The following DYNC2H1 variants were observed in gnomAD, a reference collection of about 807,000 sequenced individuals.
DYNC2H1 encodes dynein cytoplasmic 2 heavy chain 1, also known as cytoplasmic dynein 2 heavy chain 1.
A neutral mutation model predicts 570.0 loss-of-function variants in DYNC2H1; 410 were observed. The ratio of observed to expected loss-of-function variants is 0.72; its 90% CI spans 0.66 to 0.78. The LOEUF (loss-of-function observed/expected upper bound fraction) is 0.78, where lower values mean the gene tolerates loss of function less well. Ranked by LOEUF, DYNC2H1 falls within the 30% of genes least tolerant of loss-of-function variation. The pLI is 0.00. For missense variants in DYNC2H1, 4,865 were observed against 5,046.4 expected (o/e 0.96, Z 1.09); for synonymous variants, 1,688 against 1,677.6 (o/e 1.01, Z -0.15).
At chr11:103,167,853 C>T (rs1322551898) in intron 31 of DYNC2H1, among the ~76,000 whole-genome samples, 1 of 152,244 alleles carries the variant, frequency 6.6e-6, no homozygotes, top group South Asian at 2.1e-4. Context: ...TGGTGTCAGT[C>T]TGTTTTCAAA....
At chr11:103,272,766 ATT>A (rs1355227991) in intron 70 of DYNC2H1, among the ~76,000 whole-genome samples, 1 of 152,022 alleles carries the variant, frequency 6.6e-6, no homozygotes, top group Non-Finnish European at 1.5e-5. Flanking sequence ...TCTAATTATA[ATT>A]ATTTACTAGA....
At chr11:103,187,626 A>G (rs1862128387) in intron 43 of DYNC2H1, 40 bp downstream of exon 43, 2 of 1,590,768 alleles carry the variant, frequency 1.3e-6, no homozygotes, top group Non-Finnish European at 1.7e-6. Flanking sequence ...CTAATTGGAA[A>G]CAATTTAATT....
chr11:103,312,123 G>A, intron 79 of DYNC2H1, 90 bp downstream of exon 79: 1 of 1,400,138 alleles, frequency 7.1e-7, no homozygotes, highest in Non-Finnish European at 9.7e-7. Context: ...GCTCATGCCT[G>A]TAATCCCAGT....
chr11:103,177,476 A>G lies in DYNC2H1; in HGVS notation c.5875-80A>G, dbSNP rs1036159941. 3.9e-5 allele frequency: 55 copies of G among 1,413,162 alleles called. No homozygotes were observed. The highest frequency in any genetic ancestry group is 4.9e-5 in the Non-Finnish European group (51 of 1,050,154). 87.5% of individuals were successfully genotyped at this position (1,413,162 alleles called of 1,614,324 possible). A position where few individuals can be genotyped will look rare whatever the true frequency, so the allele number is the denominator to read the frequency against. On this transcript the variant is annotated intron_variant, in intron 37 of 88. Transcript: ENST00000375735. The surrounding 1 kb of genome is among the most constrained non-coding windows in gnomAD (Gnocchi z 4.4). The stretch of plus-strand genomic sequence containing the variant: ...TCAAAGGCTTAATTTACACATTAGA[A>G]CAAGTGTTACAGAATAAAAGCAGAA...
intron 70 of DYNC2H1, among the ~76,000 whole-genome samples, chr11:103,266,549 C>T (rs946925144): frequency 1.3e-5 from 2 of 152,058 alleles, no homozygotes; most frequent in East Asian, 1.9e-4. Flanking sequence ...GCTCTTTTTG[C>T]GATGGTGGTG....
chr11:103,252,046 T>A lies in DYNC2H1; in HGVS notation c.10043-1239T>A, dbSNP rs979826065. 1.3e-5 allele frequency among the ~76,000 whole-genome samples: 2 copies of A among 152,118 alleles called. No homozygotes were observed. The highest frequency in any genetic ancestry group is 2.9e-5 in the Non-Finnish European group (2 of 68,026). ...CTCAAATGATCCTCTGGCCTCAGCC[T>A]CCTGAGTATGTTGGACTATAGGCAC... is the stretch of plus-strand genomic sequence containing the variant. On this transcript the variant is annotated intron_variant, in intron 65 of 88. Coordinates refer to ENST00000375735, the MANE Select transcript of DYNC2H1 (RefSeq NM_001377.3). This position sits in a 1 kb window ranked among gnomAD's most constrained non-coding sequence, Gnocchi z 4.6.
chr11:103,426,778 T>C (rs1175055262), intron 84 of DYNC2H1, among the ~76,000 whole-genome samples: 2 of 150,958 alleles, frequency 1.3e-5, no homozygotes, highest in Non-Finnish European at 2.9e-5. Flanking sequence ...AAGCATTTGA[T>C]TGATTGGTCG....
In DYNC2H1 at chr11:103,170,530, G is replaced by A. The variant is rs1173200528; in HGVS notation, c.5151+240G>A. On this transcript the variant is annotated intron_variant, in intron 33 of 88. Coordinates refer to ENST00000375735, the MANE Select transcript of DYNC2H1 (RefSeq NM_001377.3). The surrounding 1 kb of genome is among the most constrained non-coding windows in gnomAD (Gnocchi z 4.8). ...GAATGAAGATTTATATTACATTGAA[G>A]AAAAATGTTTTTAGTAAAGAGAATA... is the stretch of plus-strand genomic sequence containing the variant. Among the ~76,000 whole-genome samples the A allele has an allele frequency of 3.3e-5, 5 of 152,118 alleles. No individual in the cohort carries two copies. Among genetic ancestry groups the A allele is most frequent in the African/African-American group, 4.8e-5 (2 of 41,436 alleles).
At chr11:103,290,943 C>T (rs183000488) in intron 75 of DYNC2H1, among the ~76,000 whole-genome samples, 1 of 152,266 alleles carries the variant, frequency 6.6e-6, no homozygotes, top group East Asian at 1.9e-4. Flanking sequence ...ATTTAGGTTA[C>T]ATATCCACCT....
At chr11:103,274,538 T>C (rs910668128) in intron 70 of DYNC2H1, among the ~76,000 whole-genome samples, 1 of 152,180 alleles carries the variant, frequency 6.6e-6, no homozygotes, top group Non-Finnish European at 1.5e-5. Context: ...ATTTTAAAGA[T>C]TCATTAATTT....
intron 79 of DYNC2H1, among the ~76,000 whole-genome samples, chr11:103,315,814 T>C (rs1409710572): frequency 6.6e-6 from 1 of 152,064 alleles, no homozygotes; most frequent in Non-Finnish European, 1.5e-5. Context: ...GCAGGGATAA[T>C]TTTTTTGTTC....
rs1465203779 is a variant in DYNC2H1, at chr11:103,199,349, C to G, written c.7961C>G (p.Ala2654Gly). The part of the protein sequence containing the change: ...LSFPGGSLLL[A>G]GRSGVGRRTI... The stretch of plus-strand genomic sequence containing the variant: ...TTCCCTGGAGGTTCACTTCTATTAG[C>G]AGGACGCAGTGGTGTAGGTCGTCGG... The change falls in exon 49 of 89, where the codon GCA (alanine) becomes GGA (glycine). Residue 2654 changes from alanine (A) to glycine (G), a missense_variant. Transcript: ENST00000375735. The surrounding 1 kb of genome is among the most constrained non-coding windows in gnomAD (Gnocchi z 4.6). 6.2e-7 allele frequency: 1 copy of G among 1,612,266 alleles called. No individual in the cohort carries two copies. The highest frequency in any genetic ancestry group is 8.5e-7 in the Non-Finnish European group (1 of 1,179,686).
At chr11:103,164,966 T>A (rs911762547) in intron 30 of DYNC2H1, among the ~76,000 whole-genome samples, 1 of 152,176 alleles carries the variant, frequency 6.6e-6, no homozygotes, top group Non-Finnish European at 1.5e-5. Flanking sequence ...AAAGTATTTT[T>A]CTCAAAAGCA....
chr11:103,134,166 C>T (rs1419501047), intron 14 of DYNC2H1, among the ~76,000 whole-genome samples, 155 bp from the exon 15 acceptor site: 5 of 152,086 alleles, frequency 3.3e-5, no homozygotes, highest in African/African-American at 1.2e-4. Context: ...TGATGTTTTG[C>T]CCTTCTCAGT....
At position 103,276,891 on chromosome 11, in the gene DYNC2H1, G is replaced by T. The variant is rs182478069; in HGVS notation, c.10696-3457G>T. 5.8e-4 allele frequency among the ~76,000 whole-genome samples: 88 copies of T among 152,032 alleles called. 1 individual carries two copies. Among genetic ancestry groups the T allele is most frequent in the African/African-American group, 2.1e-3 (86 of 41,500 alleles). ...AAATTTCTTTATATAAGGACATGTA[G>T]AGTGTTAAGGAACACATAAAATGCC... On this transcript the variant is annotated intron_variant, in intron 70 of 88. Transcript: ENST00000375735.
chr11:103,114,531 G>C (rs192968255), intron 3 of DYNC2H1, among the ~76,000 whole-genome samples: 4 of 152,232 alleles, frequency 2.6e-5, no homozygotes, highest in African/African-American at 9.6e-5. Context: ...TATTGCCCAG[G>C]CTGGTGTCAA....
intron 21 of DYNC2H1, 133 bp from the exon 22 acceptor site, chr11:103,153,170 A>T: frequency 1.4e-6 from 1 of 709,338 alleles, no homozygotes; most frequent in Non-Finnish European, 2.2e-6. Flanking sequence ...TAAAATAACA[A>T]CCATCCTTTG....
intron 83 of DYNC2H1, among the ~76,000 whole-genome samples, chr11:103,373,374 T>G (rs1941257846): frequency 6.6e-6 from 1 of 152,262 alleles, no homozygotes; most frequent in Admixed American, 6.5e-5. Context: ...ATATCAGTAG[T>G]AATGTCCTCT....
chr11:103,295,294 A>T (rs965318720), intron 75 of DYNC2H1, among the ~76,000 whole-genome samples: 1 of 152,188 alleles, frequency 6.6e-6, no homozygotes, highest in African/African-American at 2.4e-5. Context: ...CTGTCTGGTA[A>T]TGAGGAGGAA....
Sources: allele counts gnomAD v4.1 joint callset (sites outside exome capture counted in the v4.1 genomes callset), GRCh38; gene constraint gnomAD v4.1.1; non-coding constraint Gnocchi (gnomAD v3.1); transcripts MANE v1.5; gene names NCBI Gene and HGNC (gene_info 2026-07-23, HGNC 2026-07-21).